The following FMO1 variants were observed in gnomAD, a reference collection of about 807,000 sequenced individuals.
FMO1 encodes flavin-containing monooxygenase 1.
Under a neutral mutation model 45.4 loss-of-function variants are expected in FMO1, and 36 were observed. The ratio of observed to expected loss-of-function variants is 0.79; its 90% CI spans 0.61 to 1.05. The LOEUF (loss-of-function observed/expected upper bound fraction) is 1.05. Among genes scored for constraint, FMO1 ranks in the 50% least tolerant of loss-of-function variants. The probability of loss-of-function intolerance (pLI) is 0.00; values close to 1 mark genes in which losing one functional copy is unlikely to be tolerated. For missense variants in FMO1, 615 were observed against 640.3 expected, an observed-to-expected ratio of 0.96 and a Z score of 0.43; for synonymous variants, 228 against 227.2, an observed-to-expected ratio of 1.00 and a Z score of -0.03.
intron 1 of FMO1, among the ~76,000 whole-genome samples, chr1:171,249,886 A>G (rs1044010765): frequency 2.6e-5 from 4 of 152,154 alleles, no homozygotes; most frequent in African/African-American, 9.7e-5. Flanking sequence ...CAAATATAGT[A>G]TAATATGCAT....
intron 5 of FMO1, 47 bp from the exon 6 acceptor site, chr1:171,280,739 G>A: frequency 6.5e-7 from 1 of 1,531,892 alleles, no homozygotes; most frequent in Non-Finnish European, 9.0e-7. Flanking sequence ...GAACCAGCCA[G>A]CCGTGTTCAC....
At chr1:171,269,889 A>G (rs1347996589) in intron 3 of FMO1, among the ~76,000 whole-genome samples, 1 of 152,236 alleles carries the variant, frequency 6.6e-6, no homozygotes. Context: ...AGCTGGCCCA[A>G]TTAATTAAAA....
At position 171,280,838 on chromosome 1, in the gene FMO1, C is replaced by T. The variant is rs28360412; in HGVS notation, c.680C>T (p.Ser227Leu). The change falls in exon 6 of 9, where the codon TCG becomes TTG. Residue 227 changes from serine to leucine, a missense_variant. Coordinates refer to ENST00000617670, the MANE Select transcript of FMO1 (RefSeq NM_001282693.2). ...GGWVISRIFD[S>L]GYPWDMVFMT... ...TGGGTGATCAGCCGAATCTTTGACTCGGGCTACCCATGGGACATGGTGTTC... is the reference window on the plus strand; with the variant it reads ...TGGGTGATCAGCCGAATCTTTGACTTGGGCTACCCATGGGACATGGTGTTC... The T allele has an allele frequency of 1.1e-5, 17 of 1,613,762 alleles. No individual in the cohort carries two copies. Among genetic ancestry groups the T allele is most frequent in the East Asian group, 2.2e-5 (1 of 44,874 alleles).
chr1:171,275,069 GT>G (rs1479056319), intron 3 of FMO1, among the ~76,000 whole-genome samples: 2 of 152,176 alleles, frequency 1.3e-5, no homozygotes, highest in Non-Finnish European at 2.9e-5. Context: ...AGAAACTTAG[GT>G]TCTAATTCTG....
At chr1:171,273,307 A>G (rs1320759494) in intron 3 of FMO1, among the ~76,000 whole-genome samples, 1 of 152,198 alleles carries the variant, frequency 6.6e-6, no homozygotes, top group Non-Finnish European at 1.5e-5. Context: ...TGTCTTTATC[A>G]GCAGTGTGAA....
intron 2 of FMO1, among the ~76,000 whole-genome samples, chr1:171,260,360 A>C (rs1050666626): frequency 1.3e-5 from 2 of 152,188 alleles, no homozygotes; most frequent in African/African-American, 4.8e-5. Context: ...CTGAGCACAT[A>C]AATCCAAATT....
At chr1:171,248,997 A>G (rs1659755710) in intron 1 of FMO1, among the ~76,000 whole-genome samples, 1 of 151,614 alleles carries the variant, frequency 6.6e-6, no homozygotes, top group Non-Finnish European at 1.5e-5. Context: ...TTCCATCAGC[A>G]GCTTCTAACA....
intron 2 of FMO1, among the ~76,000 whole-genome samples, chr1:171,260,155 C>T (rs928671709): frequency 7.9e-5 from 12 of 151,906 alleles, no homozygotes; most frequent in Non-Finnish European, 1.3e-4. Context: ...ATAAGGTACA[C>T]GTAAGAGGAA....
At chr1:171,273,171 A>G (rs28360395) in intron 3 of FMO1, among the ~76,000 whole-genome samples, 2,571 of 152,298 alleles carry the variant, frequency 0.017, 43 homozygotes, top group Middle Eastern at 0.075. Context: ...TTTGCCTGAC[A>G]TCATCCATGT....
At chr1:171,259,530 CT>C (rs1660295137) in intron 2 of FMO1, among the ~76,000 whole-genome samples, 3 of 152,178 alleles carry the variant, frequency 2.0e-5, no homozygotes, top group Non-Finnish European at 4.4e-5. Flanking sequence ...CCTCAGAATC[CT>C]TCTTAACATT....
chr1:171,275,274 A>G (rs915056369), intron 3 of FMO1, 72 bp from the exon 4 acceptor site: 2 of 1,195,562 alleles, frequency 1.7e-6, no homozygotes, highest in East Asian at 2.3e-5. Context: ...TAAAATATCA[A>G]TGGTACATCA....
intron 2 of FMO1, among the ~76,000 whole-genome samples, chr1:171,261,060 A>G (rs1660360395): frequency 6.6e-6 from 1 of 152,170 alleles, no homozygotes; most frequent in South Asian, 2.1e-4. Context: ...TTATAAAATG[A>G]AAACATGGGA....
chr1:171,277,188 C>G (rs1661144888), intron 4 of FMO1, among the ~76,000 whole-genome samples: 1 of 152,166 alleles, frequency 6.6e-6, no homozygotes, highest in Non-Finnish European at 1.5e-5. Flanking sequence ...TCCTGACTTA[C>G]AGCAGACTTG....
intron 2 of FMO1, among the ~76,000 whole-genome samples, chr1:171,264,902 A>C (rs1053257689): frequency 6.6e-6 from 1 of 151,780 alleles, no homozygotes; most frequent in African/African-American, 2.4e-5. Context: ...CCATCTCAAA[A>C]AAAAACAAAA....
At chr1:171,284,728 TA>T (rs36009487) in intron 8 of FMO1, among the ~76,000 whole-genome samples, 23,296 of 106,562 alleles carry the variant, frequency 0.22, 2,163 homozygotes, top group African/African-American at 0.32. Context: ...CAAGACCTTG[TA>T]AAAAAAAAAA....
chr1:171,267,796 A>C, intron 3 of FMO1, 65 bp downstream of exon 3: 2 of 1,292,012 alleles, frequency 1.5e-6, no homozygotes, highest in South Asian at 2.7e-5. Flanking sequence ...TTATCTCTCC[A>C]GCCTAGCCCT....
At position 171,285,805 on chromosome 1, in the gene FMO1, C is replaced by T. The variant is rs750863174; in HGVS notation, c.*261C>T. On this transcript the variant is annotated 3_prime_UTR_variant, in exon 9 of 9. Coordinates refer to ENST00000617670, the MANE Select transcript of FMO1 (RefSeq NM_001282693.2). ...TTACAGGTTCATTTTAGAAAGAAAGCTGTTCTTGACAGCACTCTGAGCCAT... is the reference window on the plus strand; with the variant it reads ...TTACAGGTTCATTTTAGAAAGAAAGTTGTTCTTGACAGCACTCTGAGCCAT... 13 of 308,668 alleles carry T rather than the reference C, an allele frequency of 4.2e-5. No individual in the cohort carries two copies. The highest frequency in any genetic ancestry group is 8.7e-4 in the Middle Eastern group (1 of 1,154). The allele number at this position is 308,668 out of a possible 1,614,324, so 19.1% of individuals were successfully genotyped here.
intron 3 of FMO1, among the ~76,000 whole-genome samples, chr1:171,272,780 T>C (rs1016069048): frequency 2.6e-5 from 4 of 152,200 alleles, no homozygotes; most frequent in African/African-American, 9.7e-5. Context: ...CCACTGTTTC[T>C]AGGAAGTAAC....
intron 7 of FMO1, 144 bp from the exon 8 acceptor site, chr1:171,283,000 G>A (rs1386366116): frequency 2.1e-5 from 13 of 605,102 alleles, no homozygotes; most frequent in Non-Finnish European, 3.5e-5. Context: ...AGTCAGCTCA[G>A]GCTGCTAACA....
Sources: allele counts gnomAD v4.1 joint callset (sites outside exome capture counted in the v4.1 genomes callset), GRCh38; gene constraint gnomAD v4.1.1; transcripts MANE v1.5; gene names NCBI Gene and HGNC (gene_info 2026-07-23, HGNC 2026-07-21).